PCDHGA1: variants seen among roughly 807,000 people sequenced by gnomAD.
The protein encoded by PCDHGA1 is protocadherin gamma-A1.
PCDHGA1 carries 32 observed loss-of-function variants against 58.0 expected under a neutral mutation model. The ratio of observed to expected loss-of-function variants is 0.55; its 90% CI spans 0.42 to 0.74. The LOEUF (loss-of-function observed/expected upper bound fraction) is 0.74, where lower values mean the gene tolerates loss of function less well. Ranked by LOEUF, PCDHGA1 falls within the 30% of genes least tolerant of loss-of-function variation. The probability of loss-of-function intolerance (pLI) is 0.00; values close to 1 mark genes in which losing one functional copy is unlikely to be tolerated. For missense variants in PCDHGA1, 1,205 were observed against 1,182.3 expected (o/e 1.02, Z -0.28); for synonymous variants, 498 against 501.1 (o/e 0.99, Z 0.08).
intron 1 of PCDHGA1, chr5:141,402,983 G>A (rs748129276): frequency 6.2e-6 from 10 of 1,609,166 alleles, no homozygotes; most frequent in African/African-American, 1.3e-5. Flanking sequence ...CCAGCTCCGC[G>A]GAAGATTAGT....
chr5:141,427,671 A>T (rs1441504057), intron 1 of PCDHGA1: 1 of 798,486 alleles, frequency 1.3e-6, no homozygotes, highest in East Asian at 2.6e-5. Flanking sequence ...GGCCGAAAAC[A>T]ACCTTCCCGG....
chr5:141,428,222 C>A, intron 1 of PCDHGA1: 1 of 1,173,442 alleles, frequency 8.5e-7, no homozygotes, highest in Non-Finnish European at 1.2e-6. Flanking sequence ...CTAGTCTTCG[C>A]AGACAGCCTG....
At chr5:141,500,182 ATT>A (rs1199992745) in intron 2 of PCDHGA1, among the ~76,000 whole-genome samples, 2 of 131,622 alleles carry the variant, frequency 1.5e-5, no homozygotes, top group African/African-American at 3.1e-5. Flanking sequence ...CTTCATTTTT[ATT>A]TTTATTTATT....
chr5:141,364,250 A>G, intron 1 of PCDHGA1: 2 of 1,482,280 alleles, frequency 1.3e-6, no homozygotes, highest in Non-Finnish European at 1.8e-6. Flanking sequence ...TCGTCAGGGA[A>G]TATGTACCCA....
chr5:141,499,725 C>T (rs554409998), intron 2 of PCDHGA1, among the ~76,000 whole-genome samples: 3 of 138,474 alleles, frequency 2.2e-5, no homozygotes, highest in African/African-American at 5.4e-5. Context: ...GACAGAGTCT[C>T]ACTCTCTTGC....
chr5:141,393,984 C>G (rs1176875822), intron 1 of PCDHGA1: 1 of 1,613,570 alleles, frequency 6.2e-7, no homozygotes, highest in South Asian at 1.1e-5. Flanking sequence ...TGATAATTTA[C>G]CTTTTAAATT....
At chr5:141,478,963 A>G (rs193236728) in intron 1 of PCDHGA1, among the ~76,000 whole-genome samples, 5 of 152,322 alleles carry the variant, frequency 3.3e-5, no homozygotes, top group East Asian at 1.9e-4. Context: ...TCATTCCTCC[A>G]CCTTTCAAGT....
At chr5:141,406,421 A>G (rs981815055) in intron 1 of PCDHGA1, among the ~76,000 whole-genome samples, 2 of 152,222 alleles carry the variant, frequency 1.3e-5, no homozygotes, top group East Asian at 1.9e-4. Flanking sequence ...GAAAGCCCAG[A>G]TTTATTGCTT....
intron 1 of PCDHGA1, chr5:141,340,272 C>T: frequency 6.2e-7 from 1 of 1,614,166 alleles, no homozygotes; most frequent in South Asian, 1.1e-5. Context: ...TCCCTGTCCA[C>T]GGATGCTCAC....
intron 1 of PCDHGA1, among the ~76,000 whole-genome samples, chr5:141,484,084 T>A (rs1030166144): frequency 3.3e-5 from 5 of 152,174 alleles, no homozygotes; most frequent in African/African-American, 4.8e-5. Flanking sequence ...TCTTTTGAAA[T>A]GGTCTTCGTT....
At chr5:141,393,617 C>A (rs746699091) in intron 1 of PCDHGA1, 4 of 1,613,770 alleles carry the variant, frequency 2.5e-6, no homozygotes, top group African/African-American at 2.7e-5. Context: ...CAGCCAGCGA[C>A]CCGGATGAGG....
At chr5:141,438,591 CATAT>C (rs946798767) in intron 1 of PCDHGA1, among the ~76,000 whole-genome samples, 213 of 75,464 alleles carry the variant, frequency 2.8e-3, no homozygotes, top group African/African-American at 5.5e-3. Flanking sequence ...TACATACATA[CATAT>C]ATATATATAT....
intron 1 of PCDHGA1, chr5:141,415,379 G>T: frequency 3.7e-6 from 6 of 1,614,250 alleles, no homozygotes; most frequent in Non-Finnish European, 3.4e-6. Flanking sequence ...TCAGGAGGCG[G>T]CTTGACAGGT....
rs755462760 is a variant in PCDHGA1, at chr5:141,393,015, T to A, written c.2421+59910T>A. On this transcript the variant is annotated intron_variant, in intron 1 of 3. Coordinates refer to ENST00000517417, the MANE Select transcript of PCDHGA1 (RefSeq NM_018912.3). ...GGCGAAGCACGGAGTCCGTATCGTC[T>A]CCAGAGGTAGGACGCAGCTCTTTGC... The A allele has an allele frequency of 1.6e-5, 26 of 1,613,696 alleles. No individual in the cohort carries two copies. The highest frequency in any genetic ancestry group is 1.9e-5 in the Non-Finnish European group (22 of 1,179,874).
At chr5:141,345,010 GT>G (rs1757504465) in intron 1 of PCDHGA1, 1 of 1,613,854 alleles carries the variant, frequency 6.2e-7, no homozygotes, top group Non-Finnish European at 8.5e-7. Context: ...GATGGACCAG[GT>G]CTTCTTTCAA....
chr5:141,371,279 C>G lies in PCDHGA1; in HGVS notation c.2421+38174C>G, dbSNP rs1206885550. ...AAGTGAGACAACTGTTCAAGCTGGA[C>G]AGTAAAACGGGGGAACTCACCACTA... On this transcript the variant is annotated intron_variant, in intron 1 of 3. Transcript: ENST00000517417. 3 of 1,613,900 alleles carry G rather than the reference C, an allele frequency of 1.9e-6. No homozygotes were observed. In the African/African-American group the frequency reaches 4.0e-5, roughly 22 times the overall value.
intron 1 of PCDHGA1, chr5:141,346,335 C>A: frequency 1.2e-6 from 2 of 1,614,240 alleles, no homozygotes; most frequent in Non-Finnish European, 1.7e-6. Context: ...GAAGAGCCAC[C>A]TGATTTTCCC....
In PCDHGA1 at chr5:141,404,546, G is replaced by A. The variant is rs753308273; in HGVS notation, c.2421+71441G>A. 11 of 1,613,800 alleles carry A rather than the reference G, an allele frequency of 6.8e-6. No individual in the cohort carries two copies. In the East Asian group the frequency reaches 2.2e-4, roughly 33 times the overall value. ...GCAGTTTAGAGATTTGCAAATGCAGGTGACGGCAAGTGACAGTGGAAGCCC... is the reference window on the plus strand; with the variant it reads ...GCAGTTTAGAGATTTGCAAATGCAGATGACGGCAAGTGACAGTGGAAGCCC... On this transcript the variant is annotated intron_variant, in intron 1 of 3. Transcript: ENST00000517417.
At chr5:141,344,964 G>A (rs1757497477) in intron 1 of PCDHGA1, 1 of 1,613,718 alleles carries the variant, frequency 6.2e-7, no homozygotes, top group Non-Finnish European at 8.5e-7. Flanking sequence ...AGATTATGAG[G>A]ATGCCATGTT....
Sources: allele counts gnomAD v4.1 joint callset (sites outside exome capture counted in the v4.1 genomes callset), GRCh38; gene constraint gnomAD v4.1.1; transcripts MANE v1.5; gene names NCBI Gene and HGNC (gene_info 2026-07-23, HGNC 2026-07-21).